Variants in TEAD1 observed in about 807,000 individuals in gnomAD.
TEAD1 encodes the protein TEA domain transcription factor 1, also known as transcriptional enhancer factor TEF-1.
TEAD1 carries 9 observed loss-of-function variants against 54.9 expected under a neutral mutation model. That is an observed-to-expected ratio of 0.16 (90% CI 0.10 to 0.29). The LOEUF is 0.29. Ranked by LOEUF, TEAD1 falls within the 10% of genes least tolerant of loss-of-function variation. The pLI, the probability that TEAD1 is intolerant of heterozygous loss-of-function variation, is 1.00. For synonymous variants in TEAD1, 200 were observed against 187.8 expected, an observed-to-expected ratio of 1.07 and a Z score of -0.53; for missense variants, 387 against 535.9, an observed-to-expected ratio of 0.72 and a Z score of 2.74.
intron 7 of TEAD1, 37 bp downstream of exon 7, chr11:12,881,088 GCT>G: frequency 1.2e-6 from 2 of 1,611,462 alleles, no homozygotes; most frequent in Non-Finnish European, 1.7e-6. Flanking sequence ...ACAACTACGG[GCT>G]GGTCCCAGCC....
chr11:12,719,944 C>T (rs181177817), intron 2 of TEAD1, among the ~76,000 whole-genome samples: 2 of 69,388 alleles, frequency 2.9e-5, no homozygotes, highest in Admixed American at 2.3e-4. Context: ...GTTTGGAAAT[C>T]TAATGTTTTT....
At chr11:12,787,557 A>T (rs1945704341) in intron 3 of TEAD1, among the ~76,000 whole-genome samples, 1 of 152,186 alleles carries the variant, frequency 6.6e-6, no homozygotes, top group Admixed American at 6.5e-5. Flanking sequence ...GATTAAATTT[A>T]AATTGTTCAT....
Position 12,935,534 on chromosome 11 carries a change from G to A in TEAD1, c.1168-1575G>A, listed in dbSNP as rs533337015. On this transcript the variant is annotated intron_variant, in intron 12 of 12. Coordinates refer to ENST00000527636, the MANE Select transcript of TEAD1 (RefSeq NM_021961.6). ...AAGTGCAGTGGTGCAATCTTGGCTC[G>A]CTGCAACCTCTGCCTCCCGGGCTCA... 3.3e-5 allele frequency among the ~76,000 whole-genome samples: 5 copies of A among 151,838 alleles called. No homozygotes were observed. The East Asian group carries it at 7.8e-4, about 24-fold the overall frequency.
At chr11:12,704,175 G>A (rs1254143208) in intron 2 of TEAD1, among the ~76,000 whole-genome samples, 1 of 152,184 alleles carries the variant, frequency 6.6e-6, no homozygotes, top group Non-Finnish European at 1.5e-5. Context: ...CTAGGCTAGA[G>A]GAAGATGACG....
intron 10 of TEAD1, among the ~76,000 whole-genome samples, chr11:12,914,189 C>A (rs1313538401): frequency 6.6e-6 from 1 of 152,216 alleles, no homozygotes; most frequent in African/African-American, 2.4e-5. Context: ...GGCAGCCTTT[C>A]AACCAGTGCA....
intron 5 of TEAD1, among the ~76,000 whole-genome samples, chr11:12,879,227 C>G (rs946855660): frequency 2.6e-5 from 4 of 152,198 alleles, no homozygotes; most frequent in African/African-American, 9.6e-5. Flanking sequence ...GCTCCTGGGA[C>G]CATGGCCCTG....
chr11:12,873,631 G>A (rs1386567220), intron 5 of TEAD1, among the ~76,000 whole-genome samples: 2 of 152,184 alleles, frequency 1.3e-5, no homozygotes, highest in African/African-American at 4.8e-5. Context: ...CTCTGCGTTA[G>A]CTGTTACCTG....
intron 3 of TEAD1, among the ~76,000 whole-genome samples, chr11:12,851,710 G>A (rs899455764): frequency 6.6e-5 from 10 of 151,614 alleles, no homozygotes; most frequent in Non-Finnish European, 1.0e-4. Flanking sequence ...TGAGGCAGGA[G>A]AATCACTTGA....
chr11:12,885,873 T>C (rs1481099131), intron 9 of TEAD1, among the ~76,000 whole-genome samples: 1 of 152,224 alleles, frequency 6.6e-6, no homozygotes, highest in East Asian at 1.9e-4. Context: ...TGCACCTGCA[T>C]GTGCAAGAAG....
intron 9 of TEAD1, among the ~76,000 whole-genome samples, chr11:12,893,122 C>T (rs563857709): frequency 2.0e-5 from 3 of 152,336 alleles, no homozygotes; most frequent in South Asian, 4.1e-4. Context: ...TTAATGTTCC[C>T]ATCTCATGCT....
At chr11:12,827,755 G>T (rs1032655379) in intron 3 of TEAD1, among the ~76,000 whole-genome samples, 2 of 152,132 alleles carry the variant, frequency 1.3e-5, no homozygotes, top group African/African-American at 4.8e-5. Flanking sequence ...GACATCTTTT[G>T]ACACTGGTGA....
rs1297387678 is a variant in TEAD1, at chr11:12,785,389, T to C, written c.202+20955T>C. ...CTGCTCCTGCATGGCTCTTTCCTCC[T>C]GTCCCACAGGTCCTGGGTTCCAGGG... On this transcript the variant is annotated intron_variant, in intron 3 of 12. Transcript: ENST00000527636. 2.0e-5 allele frequency among the ~76,000 whole-genome samples: 3 copies of C among 152,328 alleles called. No individual in the cohort carries two copies. The East Asian group carries it at 5.8e-4, about 29-fold the overall frequency.
intron 2 of TEAD1, among the ~76,000 whole-genome samples, chr11:12,700,188 A>T (rs1943667691): frequency 6.6e-6 from 1 of 152,186 alleles, no homozygotes; most frequent in Admixed American, 6.5e-5. Context: ...AATTAGCATC[A>T]CCCATTTAAG....
chr11:12,679,787 A>G (rs1285077014), intron 2 of TEAD1, among the ~76,000 whole-genome samples: 1 of 152,150 alleles, frequency 6.6e-6, no homozygotes, highest in African/African-American at 2.4e-5. Context: ...GAAAATTTGA[A>G]AAGTTCATCC....
At position 12,862,095 on chromosome 11, in the gene TEAD1, T is replaced by C. The variant is rs112837618; in HGVS notation, c.203-155T>C. 1.6e-3 allele frequency among the ~76,000 whole-genome samples: 237 copies of C among 152,284 alleles called. 1 individual carries two copies. Among genetic ancestry groups the C allele is most frequent in the Middle Eastern group, 3.4e-3 (1 of 294 alleles). On this transcript the variant is annotated intron_variant, in intron 3 of 12. Coordinates refer to ENST00000527636, the MANE Select transcript of TEAD1 (RefSeq NM_021961.6). Reference sequence around the variant, plus strand: ...CTTAATTTTTCCTAGTAAACATTTTTGCAGACAATTGTGCTGTTTTATTTT... The same window carrying C: ...CTTAATTTTTCCTAGTAAACATTTTCGCAGACAATTGTGCTGTTTTATTTT...
chr11:12,894,833 C>T (rs773452133), intron 9 of TEAD1, among the ~76,000 whole-genome samples: 2 of 152,214 alleles, frequency 1.3e-5, no homozygotes, highest in Non-Finnish European at 2.9e-5. Flanking sequence ...AAAGTAATAA[C>T]AACAGCAAAT....
chr11:12,743,691 A>G lies in TEAD1; in HGVS notation c.-54-20488A>G, dbSNP rs544546063. On this transcript the variant is annotated intron_variant, in intron 2 of 12. Transcript: ENST00000527636. ...AAGAAATAGTGTTGAAGTGATGGCA[A>G]TTGAGATTTTAAAAGTTGCCTGTAT... Among the ~76,000 whole-genome samples, 214 of 152,298 alleles carry G rather than the reference A, an allele frequency of 1.4e-3. 1 individual carries two copies. Among genetic ancestry groups the G allele is most frequent in the African/African-American group, 4.9e-3 (202 of 41,556 alleles).
chr11:12,795,926 A>G (rs1441841175), intron 3 of TEAD1, among the ~76,000 whole-genome samples: 1 of 152,208 alleles, frequency 6.6e-6, no homozygotes, highest in Non-Finnish European at 1.5e-5. Flanking sequence ...TGACGTTTAT[A>G]TTTTTTAAAA....
chr11:12,689,895 T>A lies in TEAD1; in HGVS notation c.-55+14334T>A, dbSNP rs532570260. 9.7e-4 allele frequency among the ~76,000 whole-genome samples: 147 copies of A among 150,920 alleles called. 1 individual carries two copies. The East Asian group carries it at 0.023, about 24-fold the overall frequency. ...CATATTTTAAAAATATGACTCTTTTTAAAAAAAAACAACCAACTATTGATA... is the reference window on the plus strand; with the variant it reads ...CATATTTTAAAAATATGACTCTTTTAAAAAAAAAACAACCAACTATTGATA... On this transcript the variant is annotated intron_variant, in intron 2 of 12. Coordinates refer to ENST00000527636, the MANE Select transcript of TEAD1 (RefSeq NM_021961.6).
Sources: gnomAD v4.1 joint callset for allele counts (sites outside exome capture counted in the v4.1 genomes callset) on GRCh38, gnomAD v4.1.1 for gene constraint, MANE v1.5 for transcripts, NCBI Gene and HGNC (gene_info 2026-07-23, HGNC 2026-07-21) for gene names.